Variants in LRRTM4 observed in about 807,000 individuals in gnomAD.
LRRTM4 encodes leucine rich repeat transmembrane neuronal 4.
A neutral mutation model predicts 47.6 loss-of-function variants in LRRTM4; 25 were observed. The observed-to-expected ratio is 0.53, with a 90% CI of 0.38 to 0.73. The LOEUF (loss-of-function observed/expected upper bound fraction) is 0.73. LRRTM4 is among the 30% of genes least tolerant of loss of function. The pLI, the probability that LRRTM4 is intolerant of heterozygous loss-of-function variation, is 0.00. For synonymous variants in LRRTM4, 311 were observed against 269.5 expected (o/e 1.15, Z -1.51); for missense variants, 638 against 713.4 (o/e 0.89, Z 1.20).
chr2:76,793,224 G>A (rs1675073538), intron 3 of LRRTM4, among the ~76,000 whole-genome samples: 1 of 152,124 alleles, frequency 6.6e-6, no homozygotes, highest in African/African-American at 2.4e-5. Context: ...ATCTCTTGGT[G>A]TTGTCAATAT....
At chr2:76,812,673 CTCTTTCTT>C (rs5832252) in intron 3 of LRRTM4, among the ~76,000 whole-genome samples, 27 of 147,818 alleles carry the variant, frequency 1.8e-4, no homozygotes, top group Non-Finnish European at 1.9e-4. Flanking sequence ...TACAAATAAG[CTCTTTCTT>C]TCTTTCTTTC....
intron 3 of LRRTM4, among the ~76,000 whole-genome samples, chr2:77,232,769 A>G (rs1675001292): frequency 6.6e-6 from 1 of 152,202 alleles, no homozygotes; most frequent in African/African-American, 2.4e-5. Flanking sequence ...CTAAATTAGA[A>G]CTTTAGGAGA....
chr2:77,388,996 A>G (rs184447733), intron 3 of LRRTM4, among the ~76,000 whole-genome samples: 160 of 152,230 alleles, frequency 1.1e-3, no homozygotes, highest in African/African-American at 3.7e-3. Flanking sequence ...TAAGGATAGT[A>G]TGGATTCAGA....
At chr2:76,846,435 A>G (rs1671839343) in intron 3 of LRRTM4, among the ~76,000 whole-genome samples, 1 of 152,156 alleles carries the variant, frequency 6.6e-6, no homozygotes, top group Non-Finnish European at 1.5e-5. Context: ...ATTAAAATGG[A>G]TCAAAATTCA....
chr2:77,499,467 T>C (rs913198984), intron 3 of LRRTM4, among the ~76,000 whole-genome samples: 1 of 151,872 alleles, frequency 6.6e-6, no homozygotes, highest in African/African-American at 2.4e-5. Flanking sequence ...GTCTCTGAGA[T>C]GCAAAGATAT....
chr2:76,919,735 C>A (rs1674375508), intron 3 of LRRTM4, among the ~76,000 whole-genome samples: 1 of 152,128 alleles, frequency 6.6e-6, no homozygotes, highest in East Asian at 1.9e-4. Context: ...TCCTTTTACT[C>A]AGTTAAAGAA....
At chr2:77,302,411 A>G (rs1677155088) in intron 3 of LRRTM4, among the ~76,000 whole-genome samples, 1 of 152,188 alleles carries the variant, frequency 6.6e-6, no homozygotes, top group Admixed American at 6.5e-5. Flanking sequence ...GACAATTCAG[A>G]TGCTGTTTTC....
chr2:77,382,783 AC>A (rs1673112403), intron 3 of LRRTM4, among the ~76,000 whole-genome samples: 1 of 152,104 alleles, frequency 6.6e-6, no homozygotes, highest in African/African-American at 2.4e-5. Context: ...AATATTTTTC[AC>A]CTTTTTAAAT....
intron 3 of LRRTM4, among the ~76,000 whole-genome samples, chr2:76,860,993 A>G (rs1672295991): frequency 6.6e-6 from 1 of 152,146 alleles, no homozygotes. Flanking sequence ...GCAGTTGACT[A>G]AGACAGTGAT....
chr2:76,822,730 G>C (rs1671087604), intron 3 of LRRTM4, among the ~76,000 whole-genome samples: 1 of 151,444 alleles, frequency 6.6e-6, no homozygotes, highest in Non-Finnish European at 1.5e-5. Context: ...TCAGAAGTGA[G>C]AGACAAACTA....
intron 3 of LRRTM4, among the ~76,000 whole-genome samples, chr2:77,007,768 TAGAG>T (rs894105501): frequency 2.6e-5 from 4 of 152,172 alleles, no homozygotes; most frequent in African/African-American, 4.8e-5. Flanking sequence ...CATTCGGCTT[TAGAG>T]AGAGAGTTCT....
intron 3 of LRRTM4, among the ~76,000 whole-genome samples, chr2:77,221,003 T>C (rs1674610541): frequency 6.6e-6 from 1 of 152,214 alleles, no homozygotes; most frequent in Admixed American, 6.5e-5. Context: ...TAACAGCTGA[T>C]CTCTTGGCAG....
At chr2:77,437,710 A>C (rs1675659608) in intron 3 of LRRTM4, among the ~76,000 whole-genome samples, 1 of 152,134 alleles carries the variant, frequency 6.6e-6, no homozygotes, top group African/African-American at 2.4e-5. Flanking sequence ...ATATTTAATG[A>C]CTATCTAGTT....
At chr2:76,752,714 C>T (rs1672894684) in intron 3 of LRRTM4, among the ~76,000 whole-genome samples, 1 of 152,174 alleles carries the variant, frequency 6.6e-6, no homozygotes, top group African/African-American at 2.4e-5. Flanking sequence ...TTGTACTTTA[C>T]AGTAATAGTG....
At chr2:77,106,954 A>T (rs1671109048) in intron 3 of LRRTM4, among the ~76,000 whole-genome samples, 1 of 142,040 alleles carries the variant, frequency 7.0e-6, no homozygotes, top group South Asian at 2.1e-4. Flanking sequence ...TCTATCTGAT[A>T]AAAAAAAGAA....
At chr2:76,974,149 T>C (rs77827319) in intron 3 of LRRTM4, among the ~76,000 whole-genome samples, 24,817 of 124,164 alleles carry the variant, frequency 0.2, 3,014 homozygotes, top group African/African-American at 0.41. Context: ...TACATATATA[T>C]ACATACATAT....
chr2:77,184,654 T>A (rs1036133999), intron 3 of LRRTM4, among the ~76,000 whole-genome samples: 9 of 152,228 alleles, frequency 5.9e-5, no homozygotes, highest in Admixed American at 5.9e-4. Context: ...GCCATATTAC[T>A]CTATTCGCCT....
At chr2:76,749,128 A>G (rs1240397298) in intron 3 of LRRTM4, among the ~76,000 whole-genome samples, 2 of 152,338 alleles carry the variant, frequency 1.3e-5, no homozygotes, top group East Asian at 3.9e-4. Context: ...TGTACATAAA[A>G]CAGTATCTTT....
chr2:77,003,299 A>T (rs1677505697), intron 3 of LRRTM4, among the ~76,000 whole-genome samples: 1 of 151,998 alleles, frequency 6.6e-6, no homozygotes, highest in African/African-American at 2.4e-5. Flanking sequence ...TATTATAATA[A>T]ATATTAACTA....
Sources: allele counts gnomAD v4.1 joint callset (sites outside exome capture counted in the v4.1 genomes callset), GRCh38; gene constraint gnomAD v4.1.1; transcripts MANE v1.5; gene names NCBI Gene and HGNC (gene_info 2026-07-23, HGNC 2026-07-21).